KCNQ2: variants seen among roughly 807,000 people sequenced by gnomAD.
KCNQ2 encodes potassium voltage-gated channel subfamily KQT member 2.
In KCNQ2, 14 loss-of-function variants were observed where a neutral mutation model predicts 84.8. The observed-to-expected ratio is 0.17, with a 90% CI of 0.11 to 0.26. The LOEUF (loss-of-function observed/expected upper bound fraction) is 0.26, where lower values mean the gene tolerates loss of function less well. Ranked by LOEUF, KCNQ2 falls within the 10% of genes least tolerant of loss-of-function variation. The pLI, the probability that KCNQ2 is intolerant of heterozygous loss-of-function variation, is 1.00. For missense variants in KCNQ2, 788 were observed against 1,254.0 expected, an observed-to-expected ratio of 0.63 and a Z score of 5.61; for synonymous variants, 599 against 554.1, an observed-to-expected ratio of 1.08 and a Z score of -1.14.
rs1306846267 is a variant in KCNQ2, at chr20:63,414,229, G to A, written c.1526-36C>T. The A allele has an allele frequency of 6.7e-7, 1 of 1,491,778 alleles. No homozygotes were observed. Among genetic ancestry groups the A allele is most frequent in the Non-Finnish European group, 9.3e-7 (1 of 1,070,020 alleles). 92.4% of individuals were successfully genotyped at this position (1,491,778 alleles called of 1,614,324 possible). On this transcript the variant is annotated intron_variant, in intron 13 of 16. Coordinates refer to ENST00000359125, the MANE Select transcript of KCNQ2 (RefSeq NM_172107.4). The surrounding 1 kb of genome is among the most constrained non-coding windows in gnomAD (Gnocchi z 6.6). ...GGAGACAGGCCGTGAGGGGCCGAGG[G>A]GGCCGGGAGACCTATTCCCGGGGTC...
intron 15 of KCNQ2, chr20:63,409,979 G>A (rs915489259): frequency 3.3e-6 from 1 of 302,380 alleles, no homozygotes; most frequent in Non-Finnish European, 6.4e-6. Context: ...GATGGGAGGG[G>A]GGAGGGTGGG....
chr20:63,456,330 A>G (rs6089915), intron 1 of KCNQ2, among the ~76,000 whole-genome samples: 24,111 of 152,090 alleles, frequency 0.16, 2,571 homozygotes, highest in East Asian at 0.46. Flanking sequence ...AGAGGACTCG[A>G]CGCAGGAGGG....
chr20:63,415,626 T>C (rs1026142693), intron 12 of KCNQ2, among the ~76,000 whole-genome samples: 2 of 151,992 alleles, frequency 1.3e-5, no homozygotes, highest in Non-Finnish European at 2.9e-5. Flanking sequence ...AGGTTGGCCA[T>C]GTGGGGAGAG....
In KCNQ2 at chr20:63,472,219, T is replaced by C; in HGVS notation, c.245A>G (p.Tyr82Cys). ...AFYRKLQNFL[Y>C]NVLERPRGWA... is the part of the protein sequence containing the mutation. ...GCCGCGCGGCCGCTCCAGCACGTTG[T>C]AGAGGAAATTCTGCAGCTTGCGGTA... The change falls in exon 1 of 17, where the codon TAC becomes TGC. Residue 82 changes from tyrosine to cysteine, a missense_variant. By Grantham distance (194) the Tyr-to-Cys change is radical. Transcript: ENST00000359125. 1 of 1,549,282 alleles carries C rather than the reference T, an allele frequency of 6.5e-7. No homozygotes were observed. Among genetic ancestry groups the C allele is most frequent in the Non-Finnish European group, 8.7e-7 (1 of 1,148,680 alleles).
intron 7 of KCNQ2, chr20:63,434,283 T>A: frequency 4.2e-6 from 1 of 239,482 alleles, no homozygotes; most frequent in Non-Finnish European, 8.0e-6. Flanking sequence ...CTGGGCAACC[T>A]GAGGCGCTGG....
At chr20:63,452,548 C>A (rs2081644393) in intron 1 of KCNQ2, among the ~76,000 whole-genome samples, 1 of 152,214 alleles carries the variant, frequency 6.6e-6, no homozygotes, top group Admixed American at 6.5e-5. Flanking sequence ...ACCAGCCGGG[C>A]ACCATGGCGC....
chr20:63,439,726 C>T lies in KCNQ2; in HGVS notation c.817-18G>A, dbSNP rs1430967332. 3.8e-6 allele frequency: 6 copies of T among 1,583,424 alleles called. No individual in the cohort carries two copies. Among genetic ancestry groups the T allele is most frequent in the Non-Finnish European group, 4.3e-6 (5 of 1,152,708 alleles). Reference sequence around the variant, plus strand: ...AGCGTGATCTGTGGGACCGCAGGCTCTAGTCACACGAAGGGCCTGCTCACA... The same window carrying T: ...AGCGTGATCTGTGGGACCGCAGGCTTTAGTCACACGAAGGGCCTGCTCACA... On this transcript the variant is annotated intron_variant, in intron 5 of 16. Transcript: ENST00000359125.
rs1306711929 is a variant in KCNQ2, at chr20:63,438,043, C to T, written c.1023+582G>A. On this transcript the variant is annotated intron_variant, in intron 7 of 16. Coordinates refer to ENST00000359125, the MANE Select transcript of KCNQ2 (RefSeq NM_172107.4). This position sits in a 1 kb window ranked among gnomAD's most constrained non-coding sequence, Gnocchi z 5.1. ...CAGGCTGGTCTTGATTTCCTGACCTCGTGATCCTCCCACCTCGGCCTCCCA... is the reference window on the plus strand; with the variant it reads ...CAGGCTGGTCTTGATTTCCTGACCTTGTGATCCTCCCACCTCGGCCTCCCA... Among the ~76,000 whole-genome samples, 1 of 152,154 alleles carries T rather than the reference C, an allele frequency of 6.6e-6. No individual in the cohort carries two copies. Among genetic ancestry groups the T allele is most frequent in the Non-Finnish European group, 1.5e-5 (1 of 68,026 alleles).
chr20:63,443,282 A>G (rs1432823509), intron 4 of KCNQ2, among the ~76,000 whole-genome samples: 1 of 94,662 alleles, frequency 1.1e-5, no homozygotes, highest in African/African-American at 4.5e-5. Context: ...CACCATCACC[A>G]TCACCATCAT....
At chr20:63,466,898 C>T (rs2082096569) in intron 1 of KCNQ2, among the ~76,000 whole-genome samples, 1 of 152,246 alleles carries the variant, frequency 6.6e-6, no homozygotes, top group African/African-American at 2.4e-5. Flanking sequence ...CGAGCAGTTT[C>T]CCGTCTCAGA....
At chr20:63,457,703 C>T (rs554102778) in intron 1 of KCNQ2, among the ~76,000 whole-genome samples, 10 of 152,384 alleles carry the variant, frequency 6.6e-5, no homozygotes, top group Non-Finnish European at 1.2e-4. Flanking sequence ...CCGCAGCAGA[C>T]GCCCAAGGCC....
intron 1 of KCNQ2, among the ~76,000 whole-genome samples, chr20:63,455,475 T>A (rs1292735573): frequency 6.6e-6 from 1 of 152,034 alleles, no homozygotes; most frequent in Non-Finnish European, 1.5e-5. Flanking sequence ...CAGCCCCAGA[T>A]CACAAGAGAG....
chr20:63,420,370 A>C (rs1194747829), intron 11 of KCNQ2, among the ~76,000 whole-genome samples: 1 of 152,250 alleles, frequency 6.6e-6, no homozygotes, highest in Non-Finnish European at 1.5e-5. Context: ...AACCCTGGCG[A>C]TTTAGCTCTG....
Position 63,405,277 on chromosome 20 carries a change from G to T in KCNQ2, c.*1367C>A. On this transcript the variant is annotated 3_prime_UTR_variant, in exon 17 of 17. Coordinates refer to ENST00000359125, the MANE Select transcript of KCNQ2 (RefSeq NM_172107.4). The stretch of plus-strand genomic sequence containing the variant: ...CTCTCCAGGGAGCCCAGGCCCGCCT[G>T]CGACGCCGTCACGCCAAATGCCAGA... 1 of 152,386 alleles carries T rather than the reference G, an allele frequency of 6.6e-6. No individual in the cohort carries two copies. Among genetic ancestry groups the T allele is most frequent in the Non-Finnish European group, 1.5e-5 (1 of 68,124 alleles). 9.4% of individuals were successfully genotyped at this position (152,386 alleles called of 1,614,324 possible).
intron 8 of KCNQ2, among the ~76,000 whole-genome samples, chr20:63,431,954 A>ATCCACCCACAGGGAAGGG (rs2080804089): frequency 1.1e-5 from 1 of 94,320 alleles, no homozygotes; most frequent in East Asian, 3.0e-4. Context: ...TCAGGGTAGG[A>ATCCACCCACAGGGAAGGG]TCCACCCACA....
intron 1 of KCNQ2, among the ~76,000 whole-genome samples, chr20:63,467,685 G>GA (rs1395073639): frequency 2.0e-5 from 3 of 152,196 alleles, no homozygotes; most frequent in Non-Finnish European, 4.4e-5. Flanking sequence ...AACAAACTGG[G>GA]AAAATCACTA....
rs963862937 is a variant in KCNQ2 at position 63,446,235 on chromosome 20, C to T, written c.387+512G>A. 1.2e-4 allele frequency: 30 copies of T among 254,970 alleles called. No individual in the cohort carries two copies. Among genetic ancestry groups the T allele is most frequent in the African/African-American group, 2.8e-4 (12 of 43,608 alleles). 15.8% of individuals were successfully genotyped at this position (254,970 alleles called of 1,614,324 possible). On this transcript the variant is annotated intron_variant, in intron 2 of 16. Coordinates refer to ENST00000359125, the MANE Select transcript of KCNQ2 (RefSeq NM_172107.4). This position sits in a 1 kb window ranked among gnomAD's most constrained non-coding sequence, Gnocchi z 5.5. ...GAAGCCCCAGAACAGAGGAGCAGGG[C>T]GGGCAGTAGAGGGAGGTGCATTTGG...
In KCNQ2 at chr20:63,446,622, G is replaced by C. The variant is rs2081434043; in HGVS notation, c.387+125C>G. The C allele has an allele frequency of 1.2e-6, 1 of 801,912 alleles. No homozygotes were observed. Among genetic ancestry groups the C allele is most frequent in the Non-Finnish European group, 2.1e-6 (1 of 469,674 alleles). The allele number at this position is 801,912 out of a possible 1,614,324, so 49.7% of individuals were successfully genotyped here. A position where few individuals can be genotyped will look rare whatever the true frequency, so the allele number is the denominator to read the frequency against. On this transcript the variant is annotated intron_variant, in intron 2 of 16. Coordinates refer to ENST00000359125, the MANE Select transcript of KCNQ2 (RefSeq NM_172107.4). The surrounding 1 kb of genome is among the most constrained non-coding windows in gnomAD (Gnocchi z 5.5). Reference sequence around the variant, plus strand: ...CAGATGGGAACTGACAGGGCACAAAGACATGGCCAGAGCTGGGGCTGGGGG... The same window carrying C: ...CAGATGGGAACTGACAGGGCACAAACACATGGCCAGAGCTGGGGCTGGGGG...
At chr20:63,468,734 G>A (rs1341450016) in intron 1 of KCNQ2, among the ~76,000 whole-genome samples, 2 of 152,354 alleles carry the variant, frequency 1.3e-5, no homozygotes, top group East Asian at 1.9e-4. Flanking sequence ...CGAGCCCCAG[G>A]GACAGGCCCT....
Sources: allele counts gnomAD v4.1 joint callset (sites outside exome capture counted in the v4.1 genomes callset), GRCh38; gene constraint gnomAD v4.1.1; non-coding constraint Gnocchi (gnomAD v3.1); transcripts MANE v1.5; gene names NCBI Gene and HGNC (gene_info 2026-07-23, HGNC 2026-07-21).